The following RBM46 variants were observed in gnomAD, a reference collection of about 807,000 sequenced individuals.
RBM46 encodes the protein RNA binding motif protein 46.
RBM46 carries 12 observed loss-of-function variants against 43.3 expected under a neutral mutation model. The observed-to-expected ratio is 0.28, with a 90% confidence interval of 0.18 to 0.45. The LOEUF (loss-of-function observed/expected upper bound fraction) is 0.45, where lower values mean the gene tolerates loss of function less well. RBM46 is among the 20% of genes least tolerant of loss of function. The pLI, the probability that RBM46 is intolerant of heterozygous loss-of-function variation, is 1.00. For synonymous variants in RBM46, 205 were observed against 207.6 expected (o/e 0.99, Z 0.11); for missense variants, 412 against 639.1 (o/e 0.64, Z 3.83).
In RBM46 at chr4:154,781,338, AC is replaced by A. The variant is rs992081500; in HGVS notation, c.-103del. ...GGTGGGCTACCCTCCCCCTGCGACGACCCCCCCTCGCTCTGACCGACTGGTC... is the reference window on the plus strand; with the variant it reads ...GGTGGGCTACCCTCCCCCTGCGACGACCCCCCTCGCTCTGACCGACTGGTC... On this transcript the variant is annotated 5_prime_UTR_variant, in exon 1 of 5. Transcript: ENST00000281722. The A allele has an allele frequency of 2.7e-5, 4 of 150,238 alleles. No individual in the cohort carries two copies. The highest frequency in any genetic ancestry group is 5.9e-5 in the Non-Finnish European group (4 of 67,682). 9.3% of individuals were successfully genotyped at this position (150,238 alleles called of 1,614,324 possible).
intron 1 of RBM46, among the ~76,000 whole-genome samples, chr4:154,794,736 T>G (rs1263145170): frequency 6.6e-6 from 1 of 152,206 alleles, no homozygotes; most frequent in African/African-American, 2.4e-5. Context: ...GTAGGCTCCT[T>G]AATTCTTTGC....
At chr4:154,782,159 G>A (rs977427843) in intron 1 of RBM46, among the ~76,000 whole-genome samples, 3 of 152,218 alleles carry the variant, frequency 2.0e-5, no homozygotes, top group East Asian at 3.9e-4. Context: ...ACGGACGGCA[G>A]CACACGTCGT....
chr4:154,787,323 TCCCTCCC>T (rs1183939302), intron 1 of RBM46: 4 of 108,548 alleles, frequency 3.7e-5, no homozygotes, highest in Non-Finnish European at 5.6e-5. Flanking sequence ...CCTAATGCTA[TCCCTCCC>T]CCCTCCCCCC....
chr4:154,802,162 A>C (rs898025831), intron 4 of RBM46, among the ~76,000 whole-genome samples: 5 of 152,232 alleles, frequency 3.3e-5, no homozygotes, highest in African/African-American at 9.6e-5. Context: ...GGACAGTAAC[A>C]CAGAAATCCT....
intron 1 of RBM46, among the ~76,000 whole-genome samples, chr4:154,793,660 G>A (rs942068676): frequency 6.6e-6 from 1 of 152,148 alleles, no homozygotes; most frequent in East Asian, 1.9e-4. Flanking sequence ...TGTTTGGTCT[G>A]TACACTTTCA....
chr4:154,781,684 G>C (rs1733472215), intron 1 of RBM46: 1 of 152,382 alleles, frequency 6.6e-6, no homozygotes, highest in African/African-American at 2.4e-5. Context: ...TGAGGGCCCA[G>C]CGGCCAGTCT....
chr4:154,798,905 C>T lies in RBM46; in HGVS notation c.743C>T (p.Thr248Ile). ...GTAAGAAATTTAATGATCTCAACTA[C>T]AGAGGAAACAATTAAAGCAGAATTC... ...LYVRNLMIST[T>I]EETIKAEFNK... Residue 248 changes from threonine (T) to isoleucine (I), a missense_variant, in exon 4 of 5, where the codon ACA becomes ATA. Physicochemically the swap from Thr to Ile is moderately conservative, Grantham distance 89. Coordinates refer to ENST00000281722, the MANE Select transcript of RBM46 (RefSeq NM_144979.5). 1 of 1,612,972 alleles carries T rather than the reference C, an allele frequency of 6.2e-7. No homozygotes were observed. Among genetic ancestry groups the T allele is most frequent in the Non-Finnish European group, 8.5e-7 (1 of 1,179,554 alleles).
intron 4 of RBM46, among the ~76,000 whole-genome samples, chr4:154,824,439 A>G (rs1004868477): frequency 3.9e-5 from 6 of 152,112 alleles, no homozygotes; most frequent in African/African-American, 1.4e-4. Flanking sequence ...AAAACTTAGA[A>G]ACAACCCAGA....
chr4:154,822,698 T>TA (rs1735776352), intron 4 of RBM46, among the ~76,000 whole-genome samples: 1 of 151,678 alleles, frequency 6.6e-6, no homozygotes, highest in South Asian at 2.1e-4. Flanking sequence ...AGGATTTTTT[T>TA]TAAAAAAATT....
At chr4:154,825,047 T>G (rs1735894813) in intron 4 of RBM46, among the ~76,000 whole-genome samples, 1 of 152,106 alleles carries the variant, frequency 6.6e-6, no homozygotes, top group East Asian at 1.9e-4. Context: ...GTGTTCCAAG[T>G]GTTAAGGCAG....
chr4:154,804,352 G>A (rs530668952), intron 4 of RBM46, among the ~76,000 whole-genome samples: 45 of 152,164 alleles, frequency 3.0e-4, no homozygotes, highest in Non-Finnish European at 2.4e-4. Flanking sequence ...TCACAATCTC[G>A]TTATCTGTTT....
intron 4 of RBM46, among the ~76,000 whole-genome samples, chr4:154,815,058 TTC>T (rs1735364904): frequency 6.6e-6 from 1 of 152,058 alleles, no homozygotes; most frequent in South Asian, 2.1e-4. Flanking sequence ...CTCTGACTTA[TTC>T]TATGTATTTT....
At chr4:154,805,798 G>T (rs1413841778) in intron 4 of RBM46, among the ~76,000 whole-genome samples, 1 of 151,608 alleles carries the variant, frequency 6.6e-6, no homozygotes, top group Admixed American at 6.6e-5. Flanking sequence ...ATTCTAGGAG[G>T]CACTTAAGCC....
intron 4 of RBM46, chr4:154,820,508 A>G (rs1735674117): frequency 3.0e-6 from 2 of 666,964 alleles, no homozygotes; most frequent in South Asian, 5.1e-5. Flanking sequence ...TGTTCTTTAT[A>G]ATGAAAAGAA....
chr4:154,794,120 C>A, intron 1 of RBM46, among the ~76,000 whole-genome samples: 1 of 152,028 alleles, frequency 6.6e-6, no homozygotes, highest in Middle Eastern at 3.4e-3. Context: ...TCCCTTCCAC[C>A]TCAACCTCTC....
intron 4 of RBM46, among the ~76,000 whole-genome samples, chr4:154,801,756 C>T (rs941992343): frequency 2.6e-5 from 4 of 152,116 alleles, no homozygotes; most frequent in Non-Finnish European, 5.9e-5. Flanking sequence ...AAAGAAGATT[C>T]AGATTCTATA....
At chr4:154,812,999 G>C (rs897382899) in intron 4 of RBM46, among the ~76,000 whole-genome samples, 1 of 151,994 alleles carries the variant, frequency 6.6e-6, no homozygotes, top group Non-Finnish European at 1.5e-5. Context: ...TCTTCCATCA[G>C]TGTATATAAA....
At position 154,781,432 on chromosome 4, in the gene RBM46, A is replaced by C. The variant is rs1733453654; in HGVS notation, c.-16A>C. 6.6e-6 allele frequency: 1 copy of C among 152,294 alleles called. No homozygotes were observed. Among genetic ancestry groups the C allele is most frequent in the South Asian group, 2.1e-4 (1 of 4,826 alleles). The allele number at this position is 152,294 out of a possible 1,614,324, so 9.4% of individuals were successfully genotyped here. On this transcript the variant is annotated 5_prime_UTR_variant, in exon 1 of 5. Coordinates refer to ENST00000281722, the MANE Select transcript of RBM46 (RefSeq NM_144979.5). ...TTTAGGACCAACATTTGAAGACCCGAAGGGGTGAGGAGGGGAAAGGGGAAA... is the reference window on the plus strand; with the variant it reads ...TTTAGGACCAACATTTGAAGACCCGCAGGGGTGAGGAGGGGAAAGGGGAAA...
chr4:154,793,901 A>G (rs1473423832), intron 1 of RBM46, among the ~76,000 whole-genome samples: 1 of 152,142 alleles, frequency 6.6e-6, no homozygotes, highest in Admixed American at 6.5e-5. Context: ...TTGTAAAAGC[A>G]TTTGAGTGAT....
Sources: gnomAD v4.1 joint callset for allele counts (sites outside exome capture counted in the v4.1 genomes callset) on GRCh38, gnomAD v4.1.1 for gene constraint, MANE v1.5 for transcripts, NCBI Gene and HGNC (gene_info 2026-07-23, HGNC 2026-07-21) for gene names.